The following STK3 variants were observed in gnomAD, a reference collection of about 807,000 sequenced individuals.
The protein encoded by STK3 is serine/threonine kinase 3.
Under a neutral mutation model 58.0 loss-of-function variants are expected in STK3, and 41 were observed. That is an observed-to-expected ratio of 0.71 (90% CI 0.55 to 0.92). The LOEUF (loss-of-function observed/expected upper bound fraction) is 0.92, where lower values mean the gene tolerates loss of function less well. Ranked by LOEUF, STK3 falls within the 40% of genes least tolerant of loss-of-function variation. The pLI, the probability that STK3 is intolerant of heterozygous loss-of-function variation, is 0.00. For synonymous variants in STK3, 170 were observed against 191.0 expected (o/e 0.89, Z 0.91); for missense variants, 479 against 602.7 (o/e 0.79, Z 2.15).
intron 10 of STK3, among the ~76,000 whole-genome samples, chr8:98,516,795 G>A (rs1346506007): frequency 6.6e-6 from 1 of 151,906 alleles, no homozygotes; most frequent in African/African-American, 2.4e-5. Flanking sequence ...TCCAGAACTC[G>A]CTAGTCGTTC....
At chr8:98,700,062 G>A (rs1825413761) in intron 6 of STK3, among the ~76,000 whole-genome samples, 1 of 152,220 alleles carries the variant, frequency 6.6e-6, no homozygotes, top group African/African-American at 2.4e-5. Context: ...AGCAAGCTTG[G>A]GTAATGGCGG....
chr8:98,769,871 C>A (rs1273850282), intron 2 of STK3, among the ~76,000 whole-genome samples: 2 of 152,244 alleles, frequency 1.3e-5, no homozygotes, highest in East Asian at 3.9e-4. Flanking sequence ...ACTGAGAGAA[C>A]CAGAAAACTT....
chr8:98,665,847 G>A (rs1822308043), intron 6 of STK3, among the ~76,000 whole-genome samples: 1 of 152,020 alleles, frequency 6.6e-6, no homozygotes, highest in Admixed American at 6.6e-5. Context: ...GGGACTACAT[G>A]TGCCCGCCAC....
the STK3 span, among the ~76,000 whole-genome samples, chr8:98,358,893 G>A: frequency 6.6e-6 from 1 of 152,086 alleles, no homozygotes; most frequent in African/African-American, 2.4e-5. Context: ...CGGCATCCAG[G>A]AAACCAAGAA....
intron 1 of STK3, among the ~76,000 whole-genome samples, chr8:98,894,463 T>C (rs1267337510): frequency 6.6e-6 from 1 of 152,224 alleles, no homozygotes; most frequent in African/African-American, 2.4e-5. Flanking sequence ...ACCTCATCAA[T>C]GAGGGCCACC....
chr8:98,865,520 C>T (rs1477895583), intron 3 of STK3, among the ~76,000 whole-genome samples: 1 of 152,116 alleles, frequency 6.6e-6, no homozygotes, highest in Non-Finnish European at 1.5e-5. Context: ...GTGTTCACCA[C>T]CACACCCAGC....
At chr8:98,478,130 G>A (rs896384786) in intron 10 of STK3, among the ~76,000 whole-genome samples, 3 of 152,238 alleles carry the variant, frequency 2.0e-5, no homozygotes, top group Non-Finnish European at 2.9e-5. Context: ...TCAATGTAGC[G>A]GAAATTTGAG....
At chr8:98,736,950 T>C (rs1187460798) in intron 4 of STK3, among the ~76,000 whole-genome samples, 1 of 152,220 alleles carries the variant, frequency 6.6e-6, no homozygotes, top group Non-Finnish European at 1.5e-5. Context: ...GTGGTTAATA[T>C]ATGTAGTATA....
intron 4 of STK3, among the ~76,000 whole-genome samples, chr8:98,736,815 A>C (rs1303454808): frequency 6.6e-6 from 1 of 152,186 alleles, no homozygotes; most frequent in East Asian, 1.9e-4. Context: ...TCTCTATAAT[A>C]AATGAAGCTC....
At chr8:98,651,124 G>A (rs913600288) in intron 6 of STK3, among the ~76,000 whole-genome samples, 8 of 152,304 alleles carry the variant, frequency 5.3e-5, no homozygotes, top group East Asian at 3.9e-4. Context: ...TCACACGGCC[G>A]GGTACTCCTC....
At chr8:98,835,985 G>T (rs1835730898) in intron 3 of STK3, among the ~76,000 whole-genome samples, 1 of 152,196 alleles carries the variant, frequency 6.6e-6, no homozygotes, top group South Asian at 2.1e-4. Flanking sequence ...CAGATCACCT[G>T]AAGTCAGGAG....
intron 1 of STK3, among the ~76,000 whole-genome samples, chr8:98,896,079 A>T (rs956809687): frequency 6.6e-6 from 1 of 152,142 alleles, no homozygotes; most frequent in Non-Finnish European, 1.5e-5. Flanking sequence ...CTCCCTCCCT[A>T]GCCCTGCCCC....
intron 4 of STK3, among the ~76,000 whole-genome samples, chr8:98,721,718 T>C (rs1158986826): frequency 6.6e-6 from 1 of 152,056 alleles, no homozygotes; most frequent in Non-Finnish European, 1.5e-5. Context: ...CTGCTCTAAT[T>C]ATCAAAGAAA....
chr8:98,400,382 C>G (rs928698484), downstream of STK3, among the ~76,000 whole-genome samples: 1 of 152,230 alleles, frequency 6.6e-6, no homozygotes, highest in Non-Finnish European at 1.5e-5. Context: ...ACACATGTAG[C>G]AAAGGCAGGT....
At chr8:98,446,985 G>A (rs1407346937) in intron 1 of STK3, among the ~76,000 whole-genome samples, 1 of 152,108 alleles carries the variant, frequency 6.6e-6, no homozygotes, top group African/African-American at 2.4e-5. Flanking sequence ...ACAAACACAG[G>A]AACAGAAAAC....
chr8:98,827,969 C>G (rs369470168), upstream of STK3, among the ~76,000 whole-genome samples: 14 of 151,944 alleles, frequency 9.2e-5, no homozygotes, highest in African/African-American at 3.4e-4. Flanking sequence ...ATCTTCACTT[C>G]CATGCCATAC....
chr8:98,639,677 T>C (rs1819869408), intron 6 of STK3, among the ~76,000 whole-genome samples: 1 of 152,246 alleles, frequency 6.6e-6, no homozygotes, highest in African/African-American at 2.4e-5. Context: ...TAATAATTCA[T>C]TATGCTTTTA....
At chr8:98,729,677 T>C (rs988996222) in intron 4 of STK3, among the ~76,000 whole-genome samples, 16 of 152,216 alleles carry the variant, frequency 1.1e-4, no homozygotes, top group African/African-American at 3.6e-4. Flanking sequence ...AAAGCAAATA[T>C]ATATAGGGCC....
chr8:98,387,156 T>G (rs906764957), intron 1 of STK3, among the ~76,000 whole-genome samples: 2 of 152,190 alleles, frequency 1.3e-5, no homozygotes, highest in Non-Finnish European at 2.9e-5. Context: ...ATAACCCTAG[T>G]AAGATATGAC....
Sources: allele counts gnomAD v4.1 joint callset (sites outside exome capture counted in the v4.1 genomes callset), GRCh38; gene constraint gnomAD v4.1.1; transcripts MANE v1.5; gene names NCBI Gene and HGNC (gene_info 2026-07-23, HGNC 2026-07-21).